Variants in ATP9A observed in about 807,000 individuals in gnomAD.
The protein encoded by ATP9A is ATPase phospholipid transporting 9A.
In ATP9A, 52 loss-of-function variants were observed where a neutral mutation model predicts 144.1. The observed-to-expected ratio is 0.36, with a 90% CI of 0.29 to 0.45. The LOEUF (loss-of-function observed/expected upper bound fraction) is 0.45. Ranked by LOEUF, ATP9A falls within the 20% of genes least tolerant of loss-of-function variation. The pLI is 1.00. For synonymous variants in ATP9A, 582 were observed against 557.4 expected (o/e 1.04, Z -0.62); for missense variants, 947 against 1,392.7 (o/e 0.68, Z 5.09).
At position 51,605,004 on chromosome 20, in the gene ATP9A, G is replaced by A. The variant is rs571933122; in HGVS notation, c.2820C>T (p.Tyr940=). The change falls in exon 27 of 28, where the codon TAC becomes TAT. Residue 940 remains tyrosine (Y), a synonymous_variant. Transcript: ENST00000338821. ...CCGACTCAAACAGCAGCAGCGCCCCGTACATGATGGTGCTCCCTGCAAACA... is the reference window on the plus strand; with the variant it reads ...CCGACTCAAACAGCAGCAGCGCCCCATACATGATGGTGCTCCCTGCAAACA... The part of the protein sequence containing the change: ...ISIYQGSTIM[Y]GALLLFESEF... 41 of 1,609,008 alleles carry A rather than the reference G, an allele frequency of 2.5e-5. No individual in the cohort carries two copies. Among genetic ancestry groups the A allele is most frequent in the South Asian group, 5.5e-5 (5 of 90,288 alleles).
chr20:51,728,042 T>C (rs2077723274), intron 2 of ATP9A, among the ~76,000 whole-genome samples: 1 of 152,142 alleles, frequency 6.6e-6, no homozygotes, highest in South Asian at 2.1e-4. Flanking sequence ...ACCATTGGCA[T>C]GCACCCGAGA....
At chr20:51,626,536 T>C (rs1344664385) in intron 17 of ATP9A, among the ~76,000 whole-genome samples, 1 of 148,650 alleles carries the variant, frequency 6.7e-6, no homozygotes, top group Non-Finnish European at 1.5e-5. Context: ...CCGAACCAGA[T>C]GCGGTGGCTC....
intron 1 of ATP9A, among the ~76,000 whole-genome samples, chr20:51,763,593 A>C (rs567132776): frequency 3.3e-5 from 5 of 152,208 alleles, no homozygotes; most frequent in South Asian, 4.1e-4. Context: ...GATTACAGGA[A>C]TGAGCCACCG....
At chr20:51,629,156 G>A (rs751338069) in intron 15 of ATP9A, 84 bp from the exon 16 acceptor site, 58 of 1,104,378 alleles carry the variant, frequency 5.3e-5, no homozygotes, top group Admixed American at 4.5e-4. Flanking sequence ...GACAGACAGT[G>A]TACAAAGTGC....
chr20:51,613,192 A>C (rs1343511666), intron 23 of ATP9A, among the ~76,000 whole-genome samples: 1 of 152,230 alleles, frequency 6.6e-6, no homozygotes, highest in East Asian at 1.9e-4. Flanking sequence ...AGCAAAGTAC[A>C]TTCTTCTTTA....
intron 14 of ATP9A, among the ~76,000 whole-genome samples, chr20:51,650,659 G>A (rs1260918244): frequency 1.3e-5 from 2 of 152,130 alleles, no homozygotes; most frequent in Non-Finnish European, 2.9e-5. Flanking sequence ...TGTCGCAGAG[G>A]AAGAAGCCTG....
chr20:51,734,767 T>A (rs1393760425), intron 1 of ATP9A: 2 of 214,492 alleles, frequency 9.3e-6, no homozygotes, highest in African/African-American at 4.6e-5. Flanking sequence ...AAGAAGTGCA[T>A]GAAGAAGATG....
chr20:51,654,150 A>G (rs2426347), intron 14 of ATP9A, among the ~76,000 whole-genome samples: 111,543 of 151,724 alleles, frequency 0.74, 41,907 homozygotes, highest in Middle Eastern at 0.83. Flanking sequence ...CCAGGGGTGT[A>G]CAACATTTTT....
intron 1 of ATP9A, among the ~76,000 whole-genome samples, chr20:51,743,871 G>A (rs1181699031): frequency 6.6e-6 from 1 of 151,706 alleles, no homozygotes; most frequent in Admixed American, 6.6e-5. Context: ...GCTGGATGCA[G>A]TGGCAAACAC....
intron 19 of ATP9A, 118 bp from the exon 20 acceptor site, chr20:51,619,161 C>A: frequency 1.3e-6 from 1 of 765,446 alleles, no homozygotes; most frequent in East Asian, 2.7e-5. Context: ...GGGTCCCTCC[C>A]CTCCCCTGCC....
At chr20:51,690,619 T>A (rs1334390177) in intron 8 of ATP9A, 120 bp downstream of exon 8, 1 of 835,318 alleles carries the variant, frequency 1.2e-6, no homozygotes, top group African/African-American at 1.7e-5. Flanking sequence ...GGTGCCTTCT[T>A]TATGTCCCCA....
rs1235062237 is a variant in ATP9A, at chr20:51,618,814, G to T, written c.2206-8C>A. On this transcript the variant is annotated splice_polypyrimidine_tract_variant and splice_region_variant and intron_variant, in intron 20 of 27. Transcript: ENST00000338821. ...ATAGTACTTGAGGCAAACCTGCAGG[G>T]TGGAGGGAGAGGTGGTGCGTTGGTG... 1.3e-6 allele frequency: 2 copies of T among 1,583,354 alleles called. No homozygotes were observed. The highest frequency in any genetic ancestry group is 2.7e-5 in the African/African-American group (2 of 74,214).
At chr20:51,656,856 G>C (rs2077388753) in intron 14 of ATP9A, 82 bp downstream of exon 14, 19 of 1,324,270 alleles carry the variant, frequency 1.4e-5, no homozygotes, top group Non-Finnish European at 1.8e-5. Flanking sequence ...CTGACACATT[G>C]CTTCCTTAGA....
At chr20:51,657,483 C>A (rs1337324768) in intron 13 of ATP9A, among the ~76,000 whole-genome samples, 1 of 152,054 alleles carries the variant, frequency 6.6e-6, no homozygotes, top group Non-Finnish European at 1.5e-5. Flanking sequence ...TGAAAGGGAT[C>A]CCGGTAGTTC....
chr20:51,725,536 T>C (rs2077708437), intron 3 of ATP9A, among the ~76,000 whole-genome samples: 7 of 152,182 alleles, frequency 4.6e-5, no homozygotes, highest in Admixed American at 4.6e-4. Context: ...TCTAGACTTG[T>C]GCCATATACA....
intron 23 of ATP9A, among the ~76,000 whole-genome samples, chr20:51,613,072 T>C (rs181581041): frequency 1.1e-4 from 17 of 149,432 alleles, no homozygotes; most frequent in Non-Finnish European, 6.0e-5. Context: ...CTCATCCATA[T>C]TCAGCCTCAG....
At chr20:51,682,109 G>A (rs1601101185) in intron 9 of ATP9A, among the ~76,000 whole-genome samples, 1 of 151,904 alleles carries the variant, frequency 6.6e-6, no homozygotes, top group African/African-American at 2.4e-5. Context: ...GTGGAAGGAG[G>A]GTGAGGATCA....
chr20:51,660,215 G>A (rs2077405405), intron 13 of ATP9A, among the ~76,000 whole-genome samples: 1 of 152,192 alleles, frequency 6.6e-6, no homozygotes, highest in South Asian at 2.1e-4. Flanking sequence ...AGTAATTACT[G>A]TGGTTGGCAA....
chr20:51,733,682 T>TA (rs1555843004), intron 1 of ATP9A, among the ~76,000 whole-genome samples: 11 of 150,610 alleles, frequency 7.3e-5, no homozygotes, highest in South Asian at 2.1e-4. Context: ...CTTTTTTTTT[T>TA]AATTTTTTTT....
Sources: gnomAD v4.1 joint callset for allele counts (sites outside exome capture counted in the v4.1 genomes callset) on GRCh38, gnomAD v4.1.1 for gene constraint, MANE v1.5 for transcripts, NCBI Gene and HGNC (gene_info 2026-07-23, HGNC 2026-07-21) for gene names.